SH3D19: variants seen among roughly 807,000 people sequenced by gnomAD.
SH3D19 encodes SH3 domain containing 19, also known as SH3 domain-containing protein 19.
SH3D19 carries 58 observed loss-of-function variants against 112.1 expected under a neutral mutation model. That is an observed-to-expected ratio of 0.52 (90% CI 0.42 to 0.64). The LOEUF (loss-of-function observed/expected upper bound fraction) is 0.64, where lower values mean the gene tolerates loss of function less well. SH3D19 is among the 30% of genes least tolerant of loss of function. The probability of loss-of-function intolerance (pLI) is 0.00; values close to 1 mark genes in which losing one functional copy is unlikely to be tolerated. For missense variants in SH3D19, 1,090 were observed against 1,263.4 expected (o/e 0.86, Z 2.08); for synonymous variants, 391 against 448.5 (o/e 0.87, Z 1.62).
At chr4:151,187,964 C>T (rs1007760774) in intron 2 of SH3D19, among the ~76,000 whole-genome samples, 4 of 152,154 alleles carry the variant, frequency 2.6e-5, no homozygotes, top group Admixed American at 6.5e-5. Context: ...TCCCCTCTCC[C>T]TCCCAGACTC....
At chr4:151,266,049 T>C (rs1772764222) in intron 1 of SH3D19, 1 of 152,294 alleles carries the variant, frequency 6.6e-6, no homozygotes, top group South Asian at 2.1e-4. Flanking sequence ...GATAGTTACA[T>C]GTAGGACAAA....
intron 17 of SH3D19, among the ~76,000 whole-genome samples, chr4:151,131,828 C>T (rs1011089557): frequency 4.6e-5 from 7 of 150,804 alleles, no homozygotes; most frequent in Admixed American, 6.6e-5. Context: ...TTATCATTTT[C>T]TTTCTTTCTT....
chr4:151,223,232 T>A (rs1768406005), intron 2 of SH3D19, among the ~76,000 whole-genome samples: 1 of 152,006 alleles, frequency 6.6e-6, no homozygotes, highest in East Asian at 1.9e-4. Context: ...TCTTTTGATG[T>A]TTCCCAACAA....
chr4:151,164,173 G>A (rs1487236918), intron 8 of SH3D19, among the ~76,000 whole-genome samples: 2 of 152,218 alleles, frequency 1.3e-5, no homozygotes, highest in African/African-American at 4.8e-5. Context: ...ACAGGTGAAA[G>A]AGTGGAATGC....
At chr4:151,282,467 G>C (rs1561428590) in intron 1 of SH3D19, 16 of 1,582,848 alleles carry the variant, frequency 1.0e-5, no homozygotes, top group Non-Finnish European at 1.4e-5. Flanking sequence ...TTGTACTCCA[G>C]AACATTCATA....
chr4:151,132,398 C>G lies in SH3D19; in HGVS notation c.2690-15G>C. 2.5e-6 allele frequency: 4 copies of G among 1,610,454 alleles called. No individual in the cohort carries two copies. Among genetic ancestry groups the G allele is most frequent in the Non-Finnish European group, 3.4e-6 (4 of 1,177,650 alleles). ...TACCTTTGTGCCTACATTAAAAAAA[C>G]AAACAAACACAAGAAGTCAGAACAT... is the stretch of plus-strand genomic sequence containing the variant. On this transcript the variant is annotated splice_polypyrimidine_tract_variant and intron_variant, in intron 16 of 19. Transcript: ENST00000604030.
chr4:151,241,732 T>C (rs561407670), intron 1 of SH3D19, among the ~76,000 whole-genome samples: 1 of 151,822 alleles, frequency 6.6e-6, no homozygotes, highest in Non-Finnish European at 1.5e-5. Flanking sequence ...CTATGGTATA[T>C]GAATTATATC....
intron 9 of SH3D19, among the ~76,000 whole-genome samples, chr4:151,158,953 T>G (rs893250521): frequency 1.5e-4 from 23 of 152,252 alleles, no homozygotes; most frequent in African/African-American, 5.3e-4. Flanking sequence ...TTTTAGACAT[T>G]TTAATAACCT....
chr4:151,270,719 T>A (rs944735880), intron 1 of SH3D19, among the ~76,000 whole-genome samples: 9 of 152,170 alleles, frequency 5.9e-5, no homozygotes, highest in Non-Finnish European at 1.2e-4. Context: ...TCCATTATAA[T>A]CTTATGGAAC....
At chr4:151,161,741 T>C (rs1199842321) in intron 8 of SH3D19, among the ~76,000 whole-genome samples, 1 of 150,096 alleles carries the variant, frequency 6.7e-6, no homozygotes, top group African/African-American at 2.4e-5. Flanking sequence ...GGCCAAAGTG[T>C]TCTCACTGTT....
At chr4:151,151,575 T>C (rs1755074243) in intron 9 of SH3D19, among the ~76,000 whole-genome samples, 1 of 152,242 alleles carries the variant, frequency 6.6e-6, no homozygotes, top group African/African-American at 2.4e-5. Flanking sequence ...TGTGATCATT[T>C]AAACATGTTT....
intron 1 of SH3D19, among the ~76,000 whole-genome samples, chr4:151,298,940 C>T (rs1172716612): frequency 3.3e-5 from 5 of 152,182 alleles, no homozygotes; most frequent in Non-Finnish European, 5.9e-5. Flanking sequence ...CACAGAAATA[C>T]CTTACATAAA....
intron 1 of SH3D19, among the ~76,000 whole-genome samples, chr4:151,234,248 C>A (rs116747236): frequency 0.015 from 2,324 of 152,308 alleles, 33 homozygotes; most frequent in Non-Finnish European, 0.025. Flanking sequence ...TTTAATAGTT[C>A]TTCTTCGAAA....
chr4:151,175,769 T>C (rs1036198845), intron 6 of SH3D19, 95 bp from the exon 7 acceptor site: 42 of 1,105,754 alleles, frequency 3.8e-5, no homozygotes, highest in Non-Finnish European at 4.8e-5. Context: ...GATTTAAAAC[T>C]ACATACATGG....
chr4:151,167,020 GT>G (rs1758153534), intron 7 of SH3D19, among the ~76,000 whole-genome samples: 1 of 152,036 alleles, frequency 6.6e-6, no homozygotes, highest in Non-Finnish European at 1.5e-5. Flanking sequence ...CTTAGGAAGG[GT>G]CCCCAGATGG....
At chr4:151,206,868 C>T (rs910332720) in intron 2 of SH3D19, among the ~76,000 whole-genome samples, 1 of 152,156 alleles carries the variant, frequency 6.6e-6, no homozygotes, top group African/African-American at 2.4e-5. Context: ...GACTACATCA[C>T]CTCCGCTTCA....
At chr4:151,276,953 G>A (rs1330590732) in intron 1 of SH3D19, among the ~76,000 whole-genome samples, 1 of 152,086 alleles carries the variant, frequency 6.6e-6, no homozygotes, top group Non-Finnish European at 1.5e-5. Flanking sequence ...AGGACAGCAG[G>A]GGGCGCCACA....
chr4:151,308,943 T>C (rs914772191), intron 1 of SH3D19, among the ~76,000 whole-genome samples: 1 of 152,002 alleles, frequency 6.6e-6, no homozygotes, highest in African/African-American at 2.4e-5. Flanking sequence ...AATCTTGGCT[T>C]ACTGCAGCCC....
chr4:151,242,335 T>C (rs1770629878), intron 1 of SH3D19, among the ~76,000 whole-genome samples: 1 of 152,248 alleles, frequency 6.6e-6, no homozygotes, highest in Non-Finnish European at 1.5e-5. Context: ...ATTAGACCTG[T>C]GTTTATTGAC....
Sources: allele counts gnomAD v4.1 joint callset (sites outside exome capture counted in the v4.1 genomes callset), GRCh38; gene constraint gnomAD v4.1.1; transcripts MANE v1.5; gene names NCBI Gene and HGNC (gene_info 2026-07-23, HGNC 2026-07-21).